The following AGBL1 variants were observed in gnomAD, a reference collection of about 807,000 sequenced individuals.
AGBL1 encodes the protein AGBL carboxypeptidase 1, also known as cytosolic carboxypeptidase 4.
AGBL1 carries 130 observed loss-of-function variants against 118.9 expected under a neutral mutation model. The observed-to-expected ratio is 1.09, with a 90% CI of 0.95 to 1.26. AGBL1 has a LOEUF of 1.26. AGBL1 is among the 50% of genes most tolerant of loss of function. AGBL1 has a pLI of 0.00. For missense variants in AGBL1, 1,584 were observed against 1,298.1 expected, an observed-to-expected ratio of 1.22 and a Z score of -3.38; for synonymous variants, 555 against 478.9, an observed-to-expected ratio of 1.16 and a Z score of -2.08.
intron 17 of AGBL1, among the ~76,000 whole-genome samples, chr15:86,384,527 G>A (rs916790213): frequency 6.6e-6 from 1 of 151,728 alleles, no homozygotes; most frequent in Non-Finnish European, 1.5e-5. Flanking sequence ...TATATATTAC[G>A]TATCATTATA....
At chr15:86,144,366 G>A (rs114694369) in intron 3 of AGBL1, among the ~76,000 whole-genome samples, 2,942 of 152,238 alleles carry the variant, frequency 0.019, 97 homozygotes, top group African/African-American at 0.066. Flanking sequence ...ACACCTGCAT[G>A]CATTTGTTCA....
chr15:86,683,693 G>A (rs954020651), intron 22 of AGBL1, among the ~76,000 whole-genome samples: 1 of 152,088 alleles, frequency 6.6e-6, no homozygotes, highest in Non-Finnish European at 1.5e-5. Flanking sequence ...CCTGGAAAAG[G>A]ATTTCAATCA....
At chr15:86,476,720 A>C (rs951517734) in intron 18 of AGBL1, among the ~76,000 whole-genome samples, 1 of 152,226 alleles carries the variant, frequency 6.6e-6, no homozygotes, top group African/African-American at 2.4e-5. Flanking sequence ...TCAGCTCTGC[A>C]CCAAGCAGAC....
intron 22 of AGBL1, among the ~76,000 whole-genome samples, chr15:86,739,715 A>G (rs75099392): frequency 1.3e-5 from 2 of 152,136 alleles, no homozygotes; most frequent in Admixed American, 6.5e-5. Context: ...AGCAACTATC[A>G]TTATTACTTT....
intron 22 of AGBL1, among the ~76,000 whole-genome samples, chr15:86,689,190 G>A (rs182812218): frequency 6.6e-6 from 1 of 152,222 alleles, no homozygotes; most frequent in African/African-American, 2.4e-5. Context: ...TGTCTGGCAT[G>A]CATTTTCTAC....
chr15:86,757,430 AT>A (rs2077958291), intron 22 of AGBL1, among the ~76,000 whole-genome samples: 1 of 152,040 alleles, frequency 6.6e-6, no homozygotes, highest in African/African-American at 2.4e-5. Context: ...GAGTGACCTA[AT>A]TTTTACTGAG....
intron 24 of AGBL1, among the ~76,000 whole-genome samples, chr15:87,028,452 A>G (rs1375141354): frequency 3.3e-5 from 5 of 152,008 alleles, no homozygotes; most frequent in South Asian, 2.1e-4. Context: ...TGTGTAAACA[A>G]TAATACTTTA....
chr15:86,989,684 A>G (rs911615250), intron 24 of AGBL1, among the ~76,000 whole-genome samples: 1 of 152,230 alleles, frequency 6.6e-6, no homozygotes. Flanking sequence ...AAGCAAATAA[A>G]TAATATGACA....
intron 18 of AGBL1, among the ~76,000 whole-genome samples, chr15:86,505,189 C>CT (rs1219426339): frequency 6.6e-6 from 1 of 151,724 alleles, no homozygotes; most frequent in Admixed American, 6.6e-5. Context: ...TCAAAATTCT[C>CT]TTTGTCTTTT....
chr15:86,815,641 G>A (rs2078848278), intron 22 of AGBL1, among the ~76,000 whole-genome samples: 2 of 152,132 alleles, frequency 1.3e-5, no homozygotes, highest in South Asian at 2.1e-4. Flanking sequence ...GAGATAAGTA[G>A]TACGGTTCTG....
intron 23 of AGBL1, among the ~76,000 whole-genome samples, chr15:86,930,564 G>A (rs796526729): frequency 6.6e-6 from 1 of 152,122 alleles, no homozygotes; most frequent in African/African-American, 2.4e-5. Context: ...TTCTCTGGTT[G>A]TAGATAGCTC....
chr15:86,695,746 C>T (rs2086244524), intron 22 of AGBL1, among the ~76,000 whole-genome samples: 1 of 151,822 alleles, frequency 6.6e-6, no homozygotes, highest in Non-Finnish European at 1.5e-5. Context: ...ATGAATGTTC[C>T]TCTTAGCACC....
intron 6 of AGBL1, among the ~76,000 whole-genome samples, chr15:86,235,462 G>A (rs571934715): frequency 4.6e-5 from 7 of 152,204 alleles, no homozygotes; most frequent in African/African-American, 9.6e-5. Context: ...GTATCATCCC[G>A]GCATAATTGA....
At position 86,492,817 on chromosome 15, in the gene AGBL1, A is replaced by G. The variant is rs184167648; in HGVS notation, c.2556-29993A>G. ...ATAGGAGGTAGAAGCTTGAAGTAGT[A>G]TGGTAAAAGTGGAGATGCGGTAGGA... On this transcript the variant is annotated intron_variant, in intron 18 of 22. Transcript: ENST00000614907. 7.2e-5 allele frequency among the ~76,000 whole-genome samples: 11 copies of G among 152,234 alleles called. No homozygotes were observed. The East Asian group carries it at 2.1e-3, about 30-fold the overall frequency.
intron 17 of AGBL1, among the ~76,000 whole-genome samples, chr15:86,385,937 T>TCTCCC (rs2081177610): frequency 4.0e-5 from 1 of 24,872 alleles, no homozygotes; most frequent in Non-Finnish European, 7.7e-5. Flanking sequence ...CCCCCTCCCC[T>TCTCCC]CCTCCTCTCC....
At chr15:86,650,740 C>T (rs1208200760) in intron 21 of AGBL1, among the ~76,000 whole-genome samples, 1 of 152,206 alleles carries the variant, frequency 6.6e-6, no homozygotes. Flanking sequence ...CACATACTGG[C>T]AGGCATACAG....
intron 11 of AGBL1, 81 bp downstream of exon 11, chr15:86,264,919 C>T: frequency 7.9e-7 from 1 of 1,258,074 alleles, no homozygotes; most frequent in East Asian, 2.4e-5. Context: ...ACAGATAATT[C>T]TACTATCTAT....
chr15:86,656,853 A>G (rs906500561), intron 21 of AGBL1, among the ~76,000 whole-genome samples: 1 of 152,170 alleles, frequency 6.6e-6, no homozygotes, highest in Non-Finnish European at 1.5e-5. Flanking sequence ...GAACTCCACC[A>G]AAAGGAATTC....
At chr15:86,170,071 C>A (rs1318861531) in intron 5 of AGBL1, among the ~76,000 whole-genome samples, 2 of 152,068 alleles carry the variant, frequency 1.3e-5, no homozygotes, top group Non-Finnish European at 2.9e-5. Context: ...CAATCAAAAC[C>A]AGAACTGAGA....
Sources: gnomAD v4.1 joint callset for allele counts (sites outside exome capture counted in the v4.1 genomes callset) on GRCh38, gnomAD v4.1.1 for gene constraint, MANE v1.5 for transcripts, NCBI Gene and HGNC (gene_info 2026-07-23, HGNC 2026-07-21) for gene names.